Variants in NKD1 observed in about 807,000 individuals in gnomAD.
The protein encoded by NKD1 is NKD inhibitor of Wnt signaling pathway 1, also known as protein naked cuticle homolog 1.
NKD1 carries 21 observed loss-of-function variants against 56.0 expected under a neutral mutation model. That is an observed-to-expected ratio of 0.38 (90% CI 0.27 to 0.54). The LOEUF (loss-of-function observed/expected upper bound fraction) is 0.54, where lower values mean the gene tolerates loss of function less well. Among genes scored for constraint, NKD1 ranks in the 20% least tolerant of loss-of-function variants. The pLI, the probability that NKD1 is intolerant of heterozygous loss-of-function variation, is 0.82. For synonymous variants in NKD1, 263 were observed against 265.7 expected (o/e 0.99, Z 0.10); for missense variants, 578 against 642.7 (o/e 0.90, Z 1.09).
chr16:50,563,247 A>G (rs1960682050), intron 3 of NKD1, among the ~76,000 whole-genome samples: 1 of 152,218 alleles, frequency 6.6e-6, no homozygotes, highest in East Asian at 1.9e-4. Flanking sequence ...ACAGCCCTGG[A>G]CGCATGGAGA....
chr16:50,624,057 G>A (rs1228277921), intron 5 of NKD1, among the ~76,000 whole-genome samples: 1 of 152,010 alleles, frequency 6.6e-6, no homozygotes, highest in Non-Finnish European at 1.5e-5. Context: ...GCCGTGCTGG[G>A]GCTCACTCCA....
At chr16:50,624,211 A>C (rs1962159574) in intron 5 of NKD1, among the ~76,000 whole-genome samples, 1 of 151,994 alleles carries the variant, frequency 6.6e-6, no homozygotes, top group Admixed American at 6.6e-5. Flanking sequence ...TTTCCATAGA[A>C]TCTTATGGAT....
chr16:50,619,230 T>C (rs1962032615), intron 4 of NKD1, among the ~76,000 whole-genome samples: 1 of 151,586 alleles, frequency 6.6e-6, no homozygotes, highest in African/African-American at 2.4e-5. Flanking sequence ...GAGGGGTGAG[T>C]AGAGGATGCT....
intron 3 of NKD1, among the ~76,000 whole-genome samples, chr16:50,568,054 C>T (rs139817727): frequency 3.6e-3 from 551 of 152,350 alleles, no homozygotes; most frequent in Non-Finnish European, 5.6e-3. Flanking sequence ...TTTATTCTCA[C>T]GTTCTGTGGG....
rs969625288 is a variant in NKD1, at chr16:50,548,891, C to T, written c.58+142C>T. On this transcript the variant is annotated intron_variant, in intron 2 of 9. Coordinates refer to ENST00000268459, the MANE Select transcript of NKD1 (RefSeq NM_033119.5). ...GCCACCGGCCCCCCAAGCCCGCTCC[C>T]TGAGCAGCCTTCGCGCCCCCTCCTC... is the stretch of plus-strand genomic sequence containing the variant. 3.8e-5 allele frequency: 43 copies of T among 1,141,918 alleles called. No homozygotes were observed. The African/African-American group carries it at 4.9e-4, about 13-fold the overall frequency. The allele number at this position is 1,141,918 out of a possible 1,614,324, so 70.7% of individuals were successfully genotyped here.
intron 3 of NKD1, among the ~76,000 whole-genome samples, chr16:50,601,410 A>T (rs960969785): frequency 2.0e-5 from 3 of 152,236 alleles, no homozygotes; most frequent in Admixed American, 1.3e-4. Flanking sequence ...GGCCTGCCCC[A>T]GGGTTCACCG....
At chr16:50,622,104 G>A (rs542864314) in intron 5 of NKD1, among the ~76,000 whole-genome samples, 1 of 152,330 alleles carries the variant, frequency 6.6e-6, no homozygotes, top group South Asian at 2.1e-4. Flanking sequence ...TCTCAGGTGG[G>A]ATGGATGAAC....
At position 50,633,153 on chromosome 16, in the gene NKD1, A is replaced by G; in HGVS notation, c.824-39A>G. ...GGGTATAGCGCAAGCCCCAGCACACAGTAGGTGCTCATTAAATGTCTGTTG... is the reference window on the plus strand; with the variant it reads ...GGGTATAGCGCAAGCCCCAGCACACGGTAGGTGCTCATTAAATGTCTGTTG... On this transcript the variant is annotated intron_variant, in intron 9 of 9. Transcript: ENST00000268459. This position sits in a 1 kb window ranked among gnomAD's most constrained non-coding sequence, Gnocchi z 4.9. The G allele has an allele frequency of 6.4e-7, 1 of 1,558,532 alleles. No homozygotes were observed. Among genetic ancestry groups the G allele is most frequent in the South Asian group, 1.2e-5 (1 of 82,338 alleles).
rs987389770 is a variant in NKD1 at position 50,646,837 on chromosome 16, A to T, written c.*13056A>T. 13 of 152,302 alleles carry T rather than the reference A, an allele frequency of 8.5e-5. No homozygotes were observed. Among genetic ancestry groups the T allele is most frequent in the Admixed American group, 4.6e-4 (7 of 15,308 alleles). The allele number at this position is 152,302 out of a possible 1,614,324, so 9.4% of individuals were successfully genotyped here. ...GCAGGTATGATCCTGAAGGGAAGAC[A>T]GTGGGGTGGGACATTTCAGATGGCA... is the stretch of plus-strand genomic sequence containing the variant. On this transcript the variant is annotated 3_prime_UTR_variant, in exon 10 of 10. Transcript: ENST00000268459.
chr16:50,574,824 C>G, intron 3 of NKD1: 1 of 985,372 alleles, frequency 1.0e-6, no homozygotes, highest in Non-Finnish European at 1.2e-6. Context: ...AACAGTAAAA[C>G]CAAATACATG....
chr16:50,616,079 C>T (rs1040616526), intron 4 of NKD1: 3 of 455,954 alleles, frequency 6.6e-6, no homozygotes, highest in South Asian at 3.1e-5. Flanking sequence ...ACTCAAACAT[C>T]TTGGCAAGCA....
intron 3 of NKD1, among the ~76,000 whole-genome samples, chr16:50,605,501 G>A (rs1380262380): frequency 6.6e-6 from 1 of 152,168 alleles, no homozygotes; most frequent in Non-Finnish European, 1.5e-5. Context: ...TGTATTTGTT[G>A]ATTCAGCCAA....
chr16:50,605,300 C>T (rs989741028), intron 3 of NKD1, among the ~76,000 whole-genome samples: 1 of 152,338 alleles, frequency 6.6e-6, no homozygotes, highest in East Asian at 1.9e-4. Flanking sequence ...TGGTCTCATA[C>T]AGTACTTCAG....
At chr16:50,612,704 G>A (rs75486171) in intron 4 of NKD1, among the ~76,000 whole-genome samples, 3,976 of 152,244 alleles carry the variant, frequency 0.026, 88 homozygotes, top group Non-Finnish European at 0.037. Context: ...AGCTATGAGT[G>A]AGCAGAACCC....
chr16:50,589,322 A>G (rs1412138179), intron 3 of NKD1, among the ~76,000 whole-genome samples: 2 of 152,212 alleles, frequency 1.3e-5, no homozygotes, highest in African/African-American at 4.8e-5. Flanking sequence ...CCTCAGACGC[A>G]AGCACCAGTC....
chr16:50,633,339 C>T lies in NKD1; in HGVS notation c.971C>T (p.Pro324Leu), dbSNP rs139958715. ...DPASFHFLDTPIAKVSELQQR... is the reference protein window; with the variant it reads ...DPASFHFLDTLIAKVSELQQR... The stretch of plus-strand genomic sequence containing the variant: ...GCCTCCTTCCACTTCCTTGACACCC[C>T]AATCGCCAAGGTCTCAGAGCTCCAG... Residue 324 changes from proline to leucine, a missense_variant, in exon 10 of 10, where the codon CCA (proline) becomes CTA (leucine). Physicochemically the swap from Pro to Leu is moderately conservative, Grantham distance 98. Transcript: ENST00000268459. The surrounding 1 kb of genome is among the most constrained non-coding windows in gnomAD (Gnocchi z 4.9). 4 of 1,614,176 alleles carry T rather than the reference C, an allele frequency of 2.5e-6. No individual in the cohort carries two copies. Among genetic ancestry groups the T allele is most frequent in the Non-Finnish European group, 3.4e-6 (4 of 1,180,016 alleles).
At position 50,629,494 on chromosome 16, in the gene NKD1, C is replaced by T. The variant is rs559431693; in HGVS notation, c.463-692C>T. On this transcript the variant is annotated intron_variant, in intron 6 of 9. Coordinates refer to ENST00000268459, the MANE Select transcript of NKD1 (RefSeq NM_033119.5). ...TGTTGATGCCCCCACTCCATTTTCCCTGGGTCCACCTCAAAGTTCACCTGC... is the reference window on the plus strand; with the variant it reads ...TGTTGATGCCCCCACTCCATTTTCCTTGGGTCCACCTCAAAGTTCACCTGC... Among the ~76,000 whole-genome samples, 4 of 152,314 alleles carry T rather than the reference C, an allele frequency of 2.6e-5. No individual in the cohort carries two copies. In the South Asian group the frequency reaches 8.3e-4, roughly 32 times the overall value.
intron 3 of NKD1, among the ~76,000 whole-genome samples, chr16:50,563,249 G>A (rs945993144): frequency 1.3e-5 from 2 of 150,952 alleles, no homozygotes; most frequent in African/African-American, 2.4e-5. Flanking sequence ...AGCCCTGGAC[G>A]CATGGAGAAG....
intron 3 of NKD1, among the ~76,000 whole-genome samples, chr16:50,551,179 G>A (rs1364470533): frequency 1.4e-5 from 2 of 144,958 alleles, no homozygotes; most frequent in African/African-American, 2.5e-5. Context: ...TAATTAAATA[G>A]TAGTGTTCCC....
Sources: allele counts gnomAD v4.1 joint callset (sites outside exome capture counted in the v4.1 genomes callset), GRCh38; gene constraint gnomAD v4.1.1; non-coding constraint Gnocchi (gnomAD v3.1); transcripts MANE v1.5; gene names NCBI Gene and HGNC (gene_info 2026-07-23, HGNC 2026-07-21).